The following FRMD3 variants were observed in gnomAD, a reference collection of about 807,000 sequenced individuals.
FRMD3 encodes the protein FERM domain containing 3.
FRMD3 carries 33 observed loss-of-function variants against 70.2 expected under a neutral mutation model. That is an observed-to-expected ratio of 0.47 (90% CI 0.36 to 0.63). The LOEUF (loss-of-function observed/expected upper bound fraction) is 0.63. Ranked by LOEUF, FRMD3 falls within the 20% of genes least tolerant of loss-of-function variation. FRMD3 has a pLI of 0.00. For synonymous variants in FRMD3, 279 were observed against 255.9 expected, an observed-to-expected ratio of 1.09 and a Z score of -0.86; for missense variants, 632 against 711.4, an observed-to-expected ratio of 0.89 and a Z score of 1.27.
intron 4 of FRMD3, among the ~76,000 whole-genome samples, chr9:83,347,226 T>A (rs1823991671): frequency 6.6e-6 from 1 of 152,236 alleles, no homozygotes; most frequent in Non-Finnish European, 1.5e-5. Context: ...TCTCAGGAGA[T>A]AATCAAGAAT....
At chr9:83,422,036 C>T (rs1442346271) in intron 1 of FRMD3, among the ~76,000 whole-genome samples, 2 of 152,096 alleles carry the variant, frequency 1.3e-5, no homozygotes, top group Non-Finnish European at 2.9e-5. Context: ...ACCAGCCTGG[C>T]CAACGTGGTG....
chr9:83,296,027 A>C (rs1483515242), intron 12 of FRMD3, among the ~76,000 whole-genome samples: 1 of 152,236 alleles, frequency 6.6e-6, no homozygotes, highest in Non-Finnish European at 1.5e-5. Context: ...TTATTTGAAG[A>C]GTAGAATATC....
intron 1 of FRMD3, among the ~76,000 whole-genome samples, chr9:83,489,521 A>C (rs984041142): frequency 3.3e-5 from 5 of 152,150 alleles, no homozygotes; most frequent in African/African-American, 1.2e-4. Flanking sequence ...CAACATCACT[A>C]ATTATCAGAG....
chr9:83,486,677 T>G (rs1828697027), intron 1 of FRMD3, among the ~76,000 whole-genome samples: 1 of 152,206 alleles, frequency 6.6e-6, no homozygotes, highest in Non-Finnish European at 1.5e-5. Flanking sequence ...GGGACCTAAT[T>G]AAATTAAACA....
the FRMD3 span, among the ~76,000 whole-genome samples, chr9:83,546,169 C>A: frequency 2.0e-5 from 3 of 152,060 alleles, no homozygotes; most frequent in South Asian, 4.2e-4. Flanking sequence ...CCAGCCTGGA[C>A]AACATTGTGA....
intron 7 of FRMD3, among the ~76,000 whole-genome samples, chr9:83,312,723 C>A (rs1331086457): frequency 2.6e-5 from 4 of 152,144 alleles, no homozygotes; most frequent in African/African-American, 9.7e-5. Flanking sequence ...ACCTGGGTAG[C>A]CTGGTCGCCG....
At chr9:83,302,097 A>C (rs1481865038) in intron 10 of FRMD3, among the ~76,000 whole-genome samples, 1 of 152,160 alleles carries the variant, frequency 6.6e-6, no homozygotes, top group Non-Finnish European at 1.5e-5. Flanking sequence ...ATTGGGAAAC[A>C]AGGCTGTAGA....
At chr9:83,566,522 TC>T in the FRMD3 span, among the ~76,000 whole-genome samples, 1 of 152,098 alleles carries the variant, frequency 6.6e-6, no homozygotes, top group African/African-American at 2.4e-5. Context: ...AAGTCCATAG[TC>T]CAAAGTCTCA....
At chr9:83,270,078 G>A (rs1833481669) in intron 13 of FRMD3, among the ~76,000 whole-genome samples, 1 of 152,224 alleles carries the variant, frequency 6.6e-6, no homozygotes, top group Non-Finnish European at 1.5e-5. Context: ...CCTGCACAGT[G>A]AGCATTGTTC....
At chr9:83,358,636 G>A (rs1354210288) in intron 3 of FRMD3, among the ~76,000 whole-genome samples, 1 of 151,812 alleles carries the variant, frequency 6.6e-6, no homozygotes, top group African/African-American at 2.4e-5. Context: ...TTCCCTTGTA[G>A]AGGTCTTTCA....
chr9:83,307,842 A>T (rs1835192614), intron 10 of FRMD3, among the ~76,000 whole-genome samples: 1 of 152,206 alleles, frequency 6.6e-6, no homozygotes, highest in African/African-American at 2.4e-5. Flanking sequence ...TTTTTTTAAA[A>T]CAAAATAAAA....
intron 3 of FRMD3, among the ~76,000 whole-genome samples, chr9:83,365,982 A>G (rs1824773422): frequency 6.6e-6 from 1 of 152,036 alleles, no homozygotes; most frequent in Non-Finnish European, 1.5e-5. Flanking sequence ...CACCAACCCC[A>G]CTCAAAGGTC....
chr9:83,260,004 AC>A (rs1270385093), intron 13 of FRMD3, among the ~76,000 whole-genome samples: 2 of 152,180 alleles, frequency 1.3e-5, no homozygotes, highest in African/African-American at 4.8e-5. Flanking sequence ...CAGCTAAGCC[AC>A]GGCTATCTGA....
chr9:83,355,916 T>C (rs921836717), intron 3 of FRMD3, among the ~76,000 whole-genome samples: 2 of 152,164 alleles, frequency 1.3e-5, no homozygotes, highest in African/African-American at 4.8e-5. Context: ...ACAGCAGGGC[T>C]CCTCTCTCAC....
intron 2 of FRMD3, among the ~76,000 whole-genome samples, chr9:83,375,833 A>G (rs1006870625): frequency 3.9e-5 from 6 of 152,154 alleles, no homozygotes; most frequent in African/African-American, 1.4e-4. Flanking sequence ...AAGTTTACCT[A>G]TATAACAAAC....
the FRMD3 span, among the ~76,000 whole-genome samples, chr9:83,554,070 G>A: frequency 1.3e-5 from 2 of 152,192 alleles, no homozygotes; most frequent in Non-Finnish European, 2.9e-5. Context: ...GTTTTGCGTA[G>A]TGGCTTTATT....
rs550412753 is a variant in FRMD3 at position 83,313,964 on chromosome 9, C to T, written c.597-217G>A. Among the ~76,000 whole-genome samples the T allele has an allele frequency of 2.1e-4, 32 of 152,230 alleles. 1 individual carries two copies. The South Asian group carries it at 6.7e-3, about 32-fold the overall frequency. On this transcript the variant is annotated intron_variant, in intron 6 of 13. Coordinates refer to ENST00000304195, the MANE Select transcript of FRMD3 (RefSeq NM_174938.6). Reference sequence around the variant, plus strand: ...TCTAGTTAATTGTTCCATAACAAACCCACACGCACTCTGAGCGCTCCAGTG... The same window carrying T: ...TCTAGTTAATTGTTCCATAACAAACTCACACGCACTCTGAGCGCTCCAGTG...
chr9:83,485,602 T>C (rs900803490), intron 1 of FRMD3, among the ~76,000 whole-genome samples: 1 of 152,162 alleles, frequency 6.6e-6, no homozygotes, highest in Non-Finnish European at 1.5e-5. Flanking sequence ...ATTCCCCACT[T>C]CAGGGACAGA....
At chr9:83,332,951 A>G (rs1301043868) in intron 6 of FRMD3, among the ~76,000 whole-genome samples, 2 of 152,170 alleles carry the variant, frequency 1.3e-5, no homozygotes, top group African/African-American at 4.8e-5. Flanking sequence ...TTGCAGAGTA[A>G]TTCAACCAAG....
Sources: gnomAD v4.1 joint callset for allele counts (sites outside exome capture counted in the v4.1 genomes callset) on GRCh38, gnomAD v4.1.1 for gene constraint, MANE v1.5 for transcripts, NCBI Gene and HGNC (gene_info 2026-07-23, HGNC 2026-07-21) for gene names.